KMT2E: variants seen among roughly 807,000 people sequenced by gnomAD.
KMT2E encodes the protein lysine methyltransferase 2E (inactive).
In KMT2E, 30 loss-of-function variants were observed where a neutral mutation model predicts 184.6. The ratio of observed to expected loss-of-function variants is 0.16; its 90% CI spans 0.12 to 0.22. KMT2E has a LOEUF of 0.22. Among genes scored for constraint, KMT2E ranks in the 10% least tolerant of loss-of-function variants. KMT2E has a pLI of 1.00. For missense variants in KMT2E, 2,023 were observed against 2,237.4 expected, an observed-to-expected ratio of 0.90 and a Z score of 1.93; for synonymous variants, 815 against 776.5, an observed-to-expected ratio of 1.05 and a Z score of -0.82.
intron 6 of KMT2E, among the ~76,000 whole-genome samples, chr7:105,073,017 A>T (rs916244183): frequency 6.7e-6 from 1 of 148,376 alleles, no homozygotes; most frequent in African/African-American, 2.6e-5. Flanking sequence ...AAGAAATTTA[A>T]TTTATGATTT....
At chr7:105,077,224 A>G (rs752378869) in intron 10 of KMT2E, 31 bp downstream of exon 10, 3 of 1,606,552 alleles carry the variant, frequency 1.9e-6, no homozygotes, top group South Asian at 1.1e-5. Flanking sequence ...AAAATTGTAA[A>G]GCAGTTTTAT....
intron 1 of KMT2E, among the ~76,000 whole-genome samples, chr7:105,036,153 T>G (rs970852584): frequency 6.6e-6 from 1 of 151,764 alleles, no homozygotes; most frequent in Non-Finnish European, 1.5e-5. Flanking sequence ...GGTTTTTTGT[T>G]GTTGTTGTTG....
intron 9 of KMT2E, 91 bp from the exon 10 acceptor site, chr7:105,076,872 T>TG (rs1797547526): frequency 4.3e-5 from 27 of 632,338 alleles, no homozygotes; most frequent in Non-Finnish European, 5.9e-5. Context: ...GCCGTTAATT[T>TG]TGTGTGTGTG....
chr7:105,110,830 T>A lies in KMT2E; in HGVS notation c.4030T>A (p.Ser1344Thr), dbSNP rs1799206737. Reference sequence around the variant, plus strand: ...GAATGAATGTCCATCCCCAGATACTTCTCAAAATACTTGTAAAAGTCCTCC... The same window carrying A: ...GAATGAATGTCCATCCCCAGATACTACTCAAAATACTTGTAAAAGTCCTCC... ...TTNECPSPDT[S>T]QNTCKSPPKM... Residue 1344 changes from serine to threonine, a missense_variant, in exon 26 of 27, where the codon TCT becomes ACT. Around this residue, in one of 8 missense-constraint regions of KMT2E, gnomAD observed 1,108 missense variants for 1,050.9 expected, o/e 1.05. Coordinates refer to ENST00000311117, the MANE Select transcript of KMT2E (RefSeq NM_182931.3). 1 of 1,613,926 alleles carries A rather than the reference T, an allele frequency of 6.2e-7. No individual in the cohort carries two copies. Among genetic ancestry groups the A allele is most frequent in the South Asian group, 1.1e-5 (1 of 91,084 alleles).
intron 3 of KMT2E, among the ~76,000 whole-genome samples, chr7:105,048,788 T>C (rs1331785093): frequency 6.6e-6 from 1 of 152,242 alleles, no homozygotes; most frequent in Non-Finnish European, 1.5e-5. Flanking sequence ...GACATGACAG[T>C]GTTCCGATAA....
rs769065419 is a variant in KMT2E, at chr7:105,112,508, A to G, written c.4752A>G (p.Ser1584=). 6 of 1,614,092 alleles carry G rather than the reference A, an allele frequency of 3.7e-6. No homozygotes were observed. The South Asian group carries it at 6.6e-5, about 18-fold the overall frequency. ...TTTCTCAACAAACTGTGTTTACATCAGGACCAAATCAAGCACTTCCTGGCA... is the reference window on the plus strand; with the variant it reads ...TTTCTCAACAAACTGTGTTTACATCGGGACCAAATCAAGCACTTCCTGGCA... ...GSLSQQTVFT[S]GPNQALPGTT... Residue 1584 remains serine, a synonymous_variant, in exon 27 of 27, where the codon TCA becomes TCG. Coordinates refer to ENST00000311117, the MANE Select transcript of KMT2E (RefSeq NM_182931.3).
chr7:105,026,091 A>G (rs1795165833), intron 1 of KMT2E, among the ~76,000 whole-genome samples: 1 of 152,220 alleles, frequency 6.6e-6, no homozygotes, highest in South Asian at 2.1e-4. Flanking sequence ...TTACAAGTAC[A>G]GTATTTAAGA....
rs143408661 is a variant in KMT2E at position 105,035,371 on chromosome 7, C to T, written c.-188-2755C>T. Among the ~76,000 whole-genome samples, 445 of 151,230 alleles carry T rather than the reference C, an allele frequency of 2.9e-3. 14 individuals carry two copies. In the East Asian group the frequency reaches 0.061, roughly 21 times the overall value. On this transcript the variant is annotated intron_variant, in intron 1 of 26. Coordinates refer to ENST00000311117, the MANE Select transcript of KMT2E (RefSeq NM_182931.3). ...GTTAGTAGAGATGGGGTTTCATCATCTTGGCCAGACTGGTCTCGAACTCCT... is the reference window on the plus strand; with the variant it reads ...GTTAGTAGAGATGGGGTTTCATCATTTTGGCCAGACTGGTCTCGAACTCCT...
In KMT2E at chr7:105,024,484, G is replaced by C. The variant is rs77894737; in HGVS notation, c.-189+9949G>C. Among the ~76,000 whole-genome samples the C allele has an allele frequency of 5.4e-3, 825 of 152,256 alleles. 8 individuals are homozygous for C. Among genetic ancestry groups the C allele is most frequent in the South Asian group, 0.054 (260 of 4,820 alleles). On this transcript the variant is annotated intron_variant, in intron 1 of 26. Coordinates refer to ENST00000311117, the MANE Select transcript of KMT2E (RefSeq NM_182931.3). ...AAGTTAAGAATCTACATTTAGAATT[G>C]ACTTAAGAGAACTCTTTGTTATTTT...
At chr7:105,016,422 A>C (rs1229931661) in intron 1 of KMT2E, among the ~76,000 whole-genome samples, 1 of 152,206 alleles carries the variant, frequency 6.6e-6, no homozygotes, top group Non-Finnish European at 1.5e-5. Flanking sequence ...TTCCTCTTCA[A>C]ATATGCCCAT....
Position 105,040,915 on chromosome 7 carries a change from G to C in KMT2E, c.-38G>C. 6.6e-7 allele frequency: 1 copy of C among 1,526,264 alleles called. No individual in the cohort carries two copies. Among genetic ancestry groups the C allele is most frequent in the Non-Finnish European group, 9.1e-7 (1 of 1,104,288 alleles). The allele number at this position is 1,526,264 out of a possible 1,614,324, so 94.5% of individuals were successfully genotyped here. ...CCAGTGTTTTGGATACCAATGCATA[G>C]GACTCCATAGTAATCGAATTTACCA... On this transcript the variant is annotated 5_prime_UTR_variant, in exon 3 of 27. Transcript: ENST00000311117.
chr7:105,064,178 T>TG (rs1796938979), intron 5 of KMT2E: 1 of 303,452 alleles, frequency 3.3e-6, no homozygotes, highest in Non-Finnish European at 6.3e-6. Flanking sequence ...TTTTTTTTTT[T>TG]TTTTTTTTTT....
intron 15 of KMT2E, among the ~76,000 whole-genome samples, chr7:105,094,486 C>T (rs531174438): frequency 6.6e-6 from 1 of 152,250 alleles, no homozygotes; most frequent in South Asian, 2.1e-4. Flanking sequence ...GTTGAACATC[C>T]CAAATCCAAA....
In KMT2E at chr7:105,085,187, G is replaced by A. The variant is rs145541601; in HGVS notation, c.1358+3390G>A. Among the ~76,000 whole-genome samples, 240 of 152,156 alleles carry A rather than the reference G, an allele frequency of 1.6e-3. 2 individuals are homozygous for A. The highest frequency in any genetic ancestry group is 5.5e-3 in the African/African-American group (229 of 41,482). Reference sequence around the variant, plus strand: ...AATGTGCACAGTTCAAACTTGTGTTGTTCAAGGGTCAGCAGTATGGAAACT... The same window carrying A: ...AATGTGCACAGTTCAAACTTGTGTTATTCAAGGGTCAGCAGTATGGAAACT... On this transcript the variant is annotated intron_variant, in intron 13 of 26. Transcript: ENST00000311117.
intron 3 of KMT2E, among the ~76,000 whole-genome samples, chr7:105,049,139 A>T (rs567752601): frequency 2.0e-5 from 3 of 152,238 alleles, no homozygotes; most frequent in Admixed American, 2.0e-4. Context: ...ATAAGAAGTT[A>T]AGATTTTAAG....
At chr7:105,109,303 C>T (rs1799070058) in intron 23 of KMT2E, 75 bp downstream of exon 23, 1 of 1,453,152 alleles carries the variant, frequency 6.9e-7, no homozygotes, top group Non-Finnish European at 9.3e-7. Flanking sequence ...TTGTTGTTCT[C>T]CCAAGGCTAA....
Position 105,109,116 on chromosome 7 carries a change from C to T in KMT2E, c.3643C>T (p.Leu1215=). 1 of 1,614,180 alleles carries T rather than the reference C, an allele frequency of 6.2e-7. No homozygotes were observed. Among genetic ancestry groups the T allele is most frequent in the Non-Finnish European group, 8.5e-7 (1 of 1,180,004 alleles). The change falls in exon 23 of 27, where the codon CTA becomes TTA. Residue 1215 remains leucine, a synonymous_variant. Transcript: ENST00000311117. ...NGEQVDHTAS[L]PLPTPATVYN... ...GGAGCAGGTGGACCACACTGCTAGC[C>T]TACCTTTACCAACACCAGCTACAGT... is the stretch of plus-strand genomic sequence containing the variant.
chr7:105,073,155 T>G (rs1797394194), intron 6 of KMT2E, among the ~76,000 whole-genome samples: 1 of 151,952 alleles, frequency 6.6e-6, no homozygotes, highest in African/African-American at 2.4e-5. Flanking sequence ...ACATCTGTGA[T>G]CCCAGCTCTT....
intron 1 of KMT2E, among the ~76,000 whole-genome samples, chr7:105,023,772 TA>T (rs1795060236): frequency 6.6e-6 from 1 of 152,192 alleles, no homozygotes; most frequent in African/African-American, 2.4e-5. Flanking sequence ...AAAAGTAAAA[TA>T]TTTTTTGGAA....
Sources: gnomAD v4.1 joint callset for allele counts (sites outside exome capture counted in the v4.1 genomes callset) on GRCh38, gnomAD v4.1.1 for gene constraint, gnomAD v4.1.1 regional missense constraint, MANE v1.5 for transcripts, NCBI Gene and HGNC (gene_info 2026-07-23, HGNC 2026-07-21) for gene names.